UNC79: variants seen among roughly 807,000 people sequenced by gnomAD.
UNC79 encodes protein unc-79 homolog.
A neutral mutation model predicts 283.1 loss-of-function variants in UNC79; 37 were observed. The observed-to-expected ratio is 0.13, with a 90% CI of 0.10 to 0.17. UNC79 has a LOEUF of 0.17. Among genes scored for constraint, UNC79 ranks in the 10% least tolerant of loss-of-function variants. The pLI is 1.00. For missense variants in UNC79, 2,272 were observed against 3,211.1 expected (o/e 0.71, Z 7.07); for synonymous variants, 1,107 against 1,200.2 (o/e 0.92, Z 1.61).
intron 26 of UNC79, among the ~76,000 whole-genome samples, chr14:93,607,729 C>T (rs1241288260): frequency 6.6e-6 from 1 of 152,206 alleles, no homozygotes; most frequent in Non-Finnish European, 1.5e-5. Context: ...GCAGAGAAAC[C>T]TGGAGATCTC....
chr14:93,678,357 G>A (rs1481511741), intron 41 of UNC79, among the ~76,000 whole-genome samples: 1 of 152,226 alleles, frequency 6.6e-6, no homozygotes, highest in Non-Finnish European at 1.5e-5. Context: ...TGAAAACAGA[G>A]TCTGTTGCTC....
Position 93,621,603 on chromosome 14 carries a change from T to G in UNC79, c.4388-18T>G, listed in dbSNP as rs765038534. The G allele has an allele frequency of 3.5e-5, 54 of 1,523,938 alleles. 3 individuals are homozygous for G. In the Middle Eastern group the frequency reaches 2.0e-3, roughly 55 times the overall value. 94.4% of individuals were successfully genotyped at this position (1,523,938 alleles called of 1,614,324 possible). On this transcript the variant is annotated intron_variant, in intron 29 of 48. Coordinates refer to ENST00000555664, the Ensembl canonical transcript of UNC79. The surrounding 1 kb of genome is among the most constrained non-coding windows in gnomAD (Gnocchi z 4.8). ...AATCTCCAAGTAAAATAGTACTAGC[T>G]TTTTCTGTTTTGATCAGGTGAAATA...
intron 26 of UNC79, among the ~76,000 whole-genome samples, chr14:93,609,065 C>T (rs866567809): frequency 6.6e-6 from 1 of 152,188 alleles, no homozygotes; most frequent in Non-Finnish European, 1.5e-5. Flanking sequence ...AATTTTCCTC[C>T]ATTCTTTTTT....
At chr14:93,428,526 A>G (rs2055779203), upstream of UNC79, among the ~76,000 whole-genome samples, 1 of 152,132 alleles carries the variant, frequency 6.6e-6, no homozygotes, top group East Asian at 1.9e-4. Flanking sequence ...AAACTGAGTA[A>G]TGGATATGGC....
chr14:93,590,099 C>G (rs556357394), intron 22 of UNC79, among the ~76,000 whole-genome samples: 4 of 152,260 alleles, frequency 2.6e-5, no homozygotes, highest in Admixed American at 2.6e-4. Context: ...CCCTGTGTGT[C>G]CCTGAGTGCC....
intron 1 of UNC79, among the ~76,000 whole-genome samples, chr14:93,396,777 A>ATGTGTGTGTGTGTGTGTGTGTGTG (rs34727419): frequency 9.0e-5 from 13 of 144,376 alleles, no homozygotes; most frequent in Non-Finnish European, 1.8e-4. Flanking sequence ...ATGTGTGTGT[A>ATGTGTGTGTGTGTGTGTGTGTGTG]TGTGTGTGTG....
chr14:93,643,538 GTC>G lies in UNC79; in HGVS notation c.5904-13_5904-12del. 6.2e-7 allele frequency: 1 copy of G among 1,613,702 alleles called. No individual in the cohort carries two copies. Among genetic ancestry groups the G allele is most frequent in the Non-Finnish European group, 8.5e-7 (1 of 1,180,022 alleles). On this transcript the variant is annotated splice_polypyrimidine_tract_variant and intron_variant, in intron 33 of 48. Coordinates refer to ENST00000555664, the Ensembl canonical transcript of UNC79. ...TGGTTCTTTCTTTCATGGAAAGCAT[GTC>G]TCTCTTTTCTTTGCAGATGCCATGA...
chr14:93,609,883 A>G (rs1256426929), intron 26 of UNC79, among the ~76,000 whole-genome samples: 5 of 152,186 alleles, frequency 3.3e-5, no homozygotes, highest in Admixed American at 6.5e-5. Flanking sequence ...CCCACTCTGG[A>G]GGGGTAAATT....
rs574035652 is a variant in UNC79 at position 93,686,586 on chromosome 14, G to A, written c.6834G>A (p.Ala2278=). ...TTGTGTTTCAGTGTGGGACTGCAGC[G>A]ATGGAGTGTGTGAGGCAGTACATCA... The change falls in exon 43 of 49, where the codon GCG becomes GCA. Residue 2278 remains alanine (A), a synonymous_variant. Coordinates refer to ENST00000555664, the Ensembl canonical transcript of UNC79. 8.9e-5 allele frequency: 144 copies of A among 1,614,164 alleles called. 3 individuals carry two copies. The East Asian group carries it at 1.1e-3, about 12-fold the overall frequency.
chr14:93,488,853 C>A (rs1450027812), intron 5 of UNC79, among the ~76,000 whole-genome samples: 2 of 152,160 alleles, frequency 1.3e-5, no homozygotes, highest in Non-Finnish European at 2.9e-5. Flanking sequence ...TAATCTCATA[C>A]ATAAGGGCTC....
At chr14:93,361,214 A>G (rs1381220825) in intron 1 of UNC79, among the ~76,000 whole-genome samples, 2 of 84,228 alleles carry the variant, frequency 2.4e-5, no homozygotes, top group Non-Finnish European at 4.9e-5. Context: ...TCTGTCTCAA[A>G]AAAAAAAAAA....
intron 5 of UNC79, among the ~76,000 whole-genome samples, chr14:93,492,405 G>T (rs1003096079): frequency 1.7e-4 from 26 of 152,194 alleles, no homozygotes; most frequent in Non-Finnish European, 1.8e-4. Context: ...TGTTGCCCAG[G>T]CTGGAGTGCA....
intron 47 of UNC79, among the ~76,000 whole-genome samples, chr14:93,703,157 G>A (rs149788300): frequency 2.4e-4 from 36 of 152,138 alleles, no homozygotes; most frequent in African/African-American, 8.0e-4. Flanking sequence ...TCCCCTCCCC[G>A]ACTCTCTGCA....
chr14:93,644,776 A>T (rs1049230564), intron 34 of UNC79, among the ~76,000 whole-genome samples: 25 of 152,346 alleles, frequency 1.6e-4, no homozygotes, highest in African/African-American at 5.5e-4. Flanking sequence ...CAAATAGGAA[A>T]GCATTATAAA....
At chr14:93,414,413 T>A (rs1313456743) in intron 1 of UNC79, among the ~76,000 whole-genome samples, 1 of 152,166 alleles carries the variant, frequency 6.6e-6, no homozygotes, top group Non-Finnish European at 1.5e-5. Context: ...AGTACCATAC[T>A]GTTTTGGTTA....
chr14:93,358,142 G>A (rs2054151168), intron 1 of UNC79, among the ~76,000 whole-genome samples: 1 of 151,654 alleles, frequency 6.6e-6, no homozygotes. Context: ...CCCCATAATG[G>A]TAAGGATGCT....
At chr14:93,356,860 C>G (rs568007942) in intron 1 of UNC79, among the ~76,000 whole-genome samples, 1 of 152,094 alleles carries the variant, frequency 6.6e-6, no homozygotes, top group Admixed American at 6.5e-5. Flanking sequence ...AATTTTTTCC[C>G]TAGCTTTTAT....
intron 22 of UNC79, among the ~76,000 whole-genome samples, chr14:93,589,304 G>A (rs1408611006): frequency 6.6e-6 from 1 of 152,066 alleles, no homozygotes; most frequent in African/African-American, 2.4e-5. Context: ...GAGGGATGAG[G>A]ATTCCAGAGT....
chr14:93,419,326 A>C (rs888317447), intron 1 of UNC79, among the ~76,000 whole-genome samples: 1 of 151,398 alleles, frequency 6.6e-6, no homozygotes, highest in East Asian at 2.0e-4. Context: ...CTGCCACTGC[A>C]CCTGGCTAAT....
Sources: allele counts gnomAD v4.1 joint callset (sites outside exome capture counted in the v4.1 genomes callset), GRCh38; gene constraint gnomAD v4.1.1; non-coding constraint Gnocchi (gnomAD v3.1); transcripts MANE v1.5; gene names NCBI Gene and HGNC (gene_info 2026-07-23, HGNC 2026-07-21).